FRMD3: variants seen among roughly 807,000 people sequenced by gnomAD.
FRMD3 encodes FERM domain containing 3, also known as FERM domain-containing protein 3.
In FRMD3, 33 loss-of-function variants were observed where a neutral mutation model predicts 70.2. That is an observed-to-expected ratio of 0.47 (90% confidence interval 0.36 to 0.63). The LOEUF is 0.63. Among genes scored for constraint, FRMD3 ranks in the 20% least tolerant of loss-of-function variants. The pLI is 0.00. For synonymous variants in FRMD3, 279 were observed against 255.9 expected (o/e 1.09, Z -0.86); for missense variants, 632 against 711.4 (o/e 0.89, Z 1.27).
chr9:83,493,820 C>T (rs1472411196), intron 1 of FRMD3, among the ~76,000 whole-genome samples: 4 of 152,200 alleles, frequency 2.6e-5, no homozygotes, highest in African/African-American at 7.2e-5. Flanking sequence ...GCTCAAGTCC[C>T]TCCCTTCAGG....
chr9:83,432,503 C>A (rs1267434102), intron 1 of FRMD3, among the ~76,000 whole-genome samples: 1 of 152,176 alleles, frequency 6.6e-6, no homozygotes, highest in Non-Finnish European at 1.5e-5. Flanking sequence ...ACGCACATTC[C>A]AAGGTTTTAT....
At chr9:83,363,895 ACT>A (rs1217904424) in intron 3 of FRMD3, among the ~76,000 whole-genome samples, 1 of 152,022 alleles carries the variant, frequency 6.6e-6, no homozygotes, top group Non-Finnish European at 1.5e-5. Context: ...TAACCAGATT[ACT>A]CTCCAAAGTG....
chr9:83,365,780 T>C (rs2131237899), intron 3 of FRMD3, among the ~76,000 whole-genome samples: 1 of 152,294 alleles, frequency 6.6e-6, no homozygotes. Flanking sequence ...ATGGTGTGTT[T>C]AGGCAGAGAG....
At chr9:83,243,573 A>T (rs1831948835), downstream of FRMD3, among the ~76,000 whole-genome samples, 1 of 152,214 alleles carries the variant, frequency 6.6e-6, no homozygotes, top group African/African-American at 2.4e-5. Flanking sequence ...CTTTTGGGTC[A>T]GCAGACACTA....
intron 1 of FRMD3, among the ~76,000 whole-genome samples, chr9:83,491,280 G>A (rs1828818869): frequency 6.6e-6 from 1 of 152,172 alleles, no homozygotes; most frequent in Non-Finnish European, 1.5e-5. Flanking sequence ...TAAGAAGGAA[G>A]GGTTGCAATA....
the FRMD3 span, among the ~76,000 whole-genome samples, chr9:83,547,278 C>T: frequency 6.8e-6 from 1 of 147,862 alleles, no homozygotes; most frequent in Non-Finnish European, 1.5e-5. Flanking sequence ...CCTTCTTTGT[C>T]ATTATATAAT....
chr9:83,508,103 A>G (rs1829246564), intron 1 of FRMD3, among the ~76,000 whole-genome samples: 1 of 152,186 alleles, frequency 6.6e-6, no homozygotes, highest in African/African-American at 2.4e-5. Flanking sequence ...TATAAGCAAC[A>G]AGGATGAATC....
the FRMD3 span, among the ~76,000 whole-genome samples, chr9:83,552,279 G>A: frequency 0.8 from 121,714 of 152,074 alleles, 49,179 homozygotes; most frequent in Admixed American, 0.86. Flanking sequence ...TAATTGTATG[G>A]TTTTGAGAAA....
intron 1 of FRMD3, among the ~76,000 whole-genome samples, chr9:83,414,726 T>C (rs1826381017): frequency 6.6e-6 from 1 of 152,242 alleles, no homozygotes; most frequent in Admixed American, 6.5e-5. Flanking sequence ...GGCTGATAAA[T>C]GTGTGTACCT....
At chr9:83,517,347 T>C (rs555140035) in intron 1 of FRMD3, among the ~76,000 whole-genome samples, 1 of 151,984 alleles carries the variant, frequency 6.6e-6, no homozygotes, top group East Asian at 1.9e-4. Context: ...TAAACACCTC[T>C]ATGCAAATAA....
At chr9:83,434,965 C>T (rs1213736332) in intron 1 of FRMD3, among the ~76,000 whole-genome samples, 1 of 151,626 alleles carries the variant, frequency 6.6e-6, no homozygotes. Flanking sequence ...TAGCTGACCA[C>T]AAGCACACAC....
chr9:83,299,520 T>C (rs905491689), intron 10 of FRMD3, among the ~76,000 whole-genome samples: 2 of 152,236 alleles, frequency 1.3e-5, no homozygotes, highest in African/African-American at 4.8e-5. Context: ...CCCTAATTTC[T>C]ATCTGAAGAT....
intron 2 of FRMD3, among the ~76,000 whole-genome samples, chr9:83,375,206 T>C (rs1051095456): frequency 6.6e-6 from 1 of 152,226 alleles, no homozygotes; most frequent in African/African-American, 2.4e-5. Flanking sequence ...CCACTATAGA[T>C]TGGCGATGTC....
chr9:83,430,388 AT>A (rs1564073739), intron 1 of FRMD3, among the ~76,000 whole-genome samples: 1 of 152,318 alleles, frequency 6.6e-6, no homozygotes, highest in East Asian at 1.9e-4. Flanking sequence ...ATATTGAGAA[AT>A]TTTTATCCCT....
At chr9:83,519,920 A>G (rs1378561445) in intron 1 of FRMD3, among the ~76,000 whole-genome samples, 1 of 151,906 alleles carries the variant, frequency 6.6e-6, no homozygotes, top group Non-Finnish European at 1.5e-5. Flanking sequence ...GCATGTTCTC[A>G]CTCATAAGTG....
At chr9:83,310,576 A>C (rs75853604) in intron 8 of FRMD3, 28 bp from the exon 9 acceptor site, 1 of 1,567,790 alleles carries the variant, frequency 6.4e-7, no homozygotes, top group Admixed American at 2.1e-5. Flanking sequence ...CTGGGTAAGA[A>C]GAAAAAAAGT....
intron 1 of FRMD3, among the ~76,000 whole-genome samples, chr9:83,420,908 C>T (rs1826614700): frequency 6.6e-6 from 1 of 150,736 alleles, no homozygotes; most frequent in Admixed American, 6.6e-5. Context: ...GTACAGCCTA[C>T]AGACCATGAG....
intron 6 of FRMD3, among the ~76,000 whole-genome samples, chr9:83,330,537 T>A (rs1207612742): frequency 6.6e-6 from 1 of 152,204 alleles, no homozygotes; most frequent in East Asian, 1.9e-4. Context: ...TAACTTAAAA[T>A]TATCTACAGA....
In FRMD3 at chr9:83,248,518, T is replaced by A; in HGVS notation, c.1196-2A>T. On this transcript the variant is annotated splice_acceptor_variant, in intron 13 of 13. Coordinates refer to ENST00000304195, the MANE Select transcript of FRMD3 (RefSeq NM_174938.6). LOFTEE classifies it high-confidence loss of function. ...TCTCCTCTTTAGGCAATGGAACACC[T>A]GTAAAGAGACATTTTTTTTTCTAAA... 1 of 1,547,368 alleles carries A rather than the reference T, an allele frequency of 6.5e-7. No individual in the cohort carries two copies. Among genetic ancestry groups the A allele is most frequent in the Non-Finnish European group, 8.7e-7 (1 of 1,153,522 alleles).
Sources: allele counts gnomAD v4.1 joint callset (sites outside exome capture counted in the v4.1 genomes callset), GRCh38; gene constraint gnomAD v4.1.1; transcripts MANE v1.5; gene names NCBI Gene and HGNC (gene_info 2026-07-23, HGNC 2026-07-21).